The following ZNF202 variants were observed in gnomAD, a reference collection of about 807,000 sequenced individuals.
ZNF202 encodes the protein zinc finger protein with KRAB and SCAN domains 10.
A neutral mutation model predicts 54.5 loss-of-function variants in ZNF202; 22 were observed. The ratio of observed to expected loss-of-function variants is 0.40; its 90% confidence interval spans 0.29 to 0.58. The LOEUF (loss-of-function observed/expected upper bound fraction) is 0.58. Among genes scored for constraint, ZNF202 ranks in the 20% least tolerant of loss-of-function variants. ZNF202 has a pLI of 0.39. For synonymous variants in ZNF202, 294 were observed against 301.4 expected (o/e 0.98, Z 0.26); for missense variants, 644 against 805.5 (o/e 0.80, Z 2.43).
At chr11:123,732,499 G>A (rs1861453320) in intron 3 of ZNF202, among the ~76,000 whole-genome samples, 1 of 152,102 alleles carries the variant, frequency 6.6e-6, no homozygotes, top group South Asian at 2.1e-4. Context: ...TCCTTGGTTA[G>A]GTTAAACTTT....
chr11:123,734,587 G>T (rs1016465663), intron 3 of ZNF202, among the ~76,000 whole-genome samples: 1 of 152,112 alleles, frequency 6.6e-6, no homozygotes, highest in Non-Finnish European at 1.5e-5. Flanking sequence ...ACAGGAACTT[G>T]TATCTCCCCC....
Position 123,726,231 on chromosome 11 carries a change from C to A in ZNF202, c.1713G>T (p.Gly571=). 6.2e-7 allele frequency: 1 copy of A among 1,614,200 alleles called. No homozygotes were observed. Among genetic ancestry groups the A allele is most frequent in the Non-Finnish European group, 8.5e-7 (1 of 1,180,028 alleles). The change falls in exon 9 of 9, where the codon GGG becomes GGT. Residue 571 remains glycine (G), a synonymous_variant. Coordinates refer to ENST00000530393, the MANE Select transcript of ZNF202 (RefSeq NM_003455.4). The surrounding 1 kb of genome is among the most constrained non-coding windows in gnomAD (Gnocchi z 6.0). ...AEELYLCSEC[G]RCFTHSAAFA... is the part of the protein sequence containing the mutation. ...ACGCTGCGCTGTGGGTGAAGCAGCG[C>A]CCGCACTCGCTGCAGAGGTAGAGTT...
chr11:123,729,574 G>C, intron 5 of ZNF202, 41 bp downstream of exon 5: 1 of 1,487,698 alleles, frequency 6.7e-7, no homozygotes, highest in Non-Finnish European at 8.9e-7. Flanking sequence ...CTCCTTGCCT[G>C]CCTTCTGCCA....
rs750261669 is a variant in ZNF202 at position 123,728,142 on chromosome 11, C to T, written c.823G>A (p.Val275Ile). The T allele has an allele frequency of 1.9e-6, 3 of 1,609,676 alleles. No individual in the cohort carries two copies. The highest frequency in any genetic ancestry group is 1.3e-5 in the African/African-American group (1 of 74,826). The part of the protein sequence containing the change: ...YVLEEDCGIV[V>I]SLSFPIPRPD... ...ACTTGAAATTCCTTACACAGAGAGA[C>T]AACAATTCCACAGTCTTCTTCCAAG... The change falls in exon 7 of 9, where the codon GTC becomes ATC. Residue 275 changes from valine (V) to isoleucine (I), a missense_variant. Around this residue, in one of 3 missense-constraint regions of ZNF202, gnomAD observed 536 missense variants for 635.3 expected, o/e 0.84. Coordinates refer to ENST00000530393, the MANE Select transcript of ZNF202 (RefSeq NM_003455.4).
chr11:123,723,931 T>C lies in ZNF202; in HGVS notation c.*2066A>G, dbSNP rs1009870342. 6.6e-6 allele frequency among the ~76,000 whole-genome samples: 1 copy of C among 152,226 alleles called. No individual in the cohort carries two copies. Among genetic ancestry groups the C allele is most frequent in the African/African-American group, 2.4e-5 (1 of 41,464 alleles). ...TCACAAGCTTTCCCTCATGTAGAACTCTGACAGATTTTCATTTATTGGAAT... is the reference window on the plus strand; with the variant it reads ...TCACAAGCTTTCCCTCATGTAGAACCCTGACAGATTTTCATTTATTGGAAT... On this transcript the variant is annotated 3_prime_UTR_variant, in exon 9 of 9. Coordinates refer to ENST00000530393, the MANE Select transcript of ZNF202 (RefSeq NM_003455.4).
chr11:123,727,411 A>G (rs1861200012), intron 8 of ZNF202, 65 bp downstream of exon 8: 4 of 1,602,954 alleles, frequency 2.5e-6, no homozygotes, highest in Admixed American at 1.7e-5. Flanking sequence ...CTACAGAGAG[A>G]GAGAAGCACT....
chr11:123,737,801 G>C (rs936796753), intron 3 of ZNF202, among the ~76,000 whole-genome samples: 17 of 152,188 alleles, frequency 1.1e-4, no homozygotes, highest in Non-Finnish European at 2.4e-4. Context: ...TTGTAAAGAG[G>C]TGTCATCTTG....
chr11:123,728,224 G>A lies in ZNF202; in HGVS notation c.741C>T (p.Ser247=). The change falls in exon 7 of 9, where the codon TCC becomes TCT. Residue 247 remains serine, a synonymous_variant. Transcript: ENST00000530393. ...VTFKDVAVCF[S]QDQWSDLDPT... is the part of the protein sequence containing the mutation. ...GGTCCAGATCACTCCACTGGTCCTG[G>A]GAAAAGCATACGGCCACATCCTTGA... 1 of 1,612,958 alleles carries A rather than the reference G, an allele frequency of 6.2e-7. No individual in the cohort carries two copies. Among genetic ancestry groups the A allele is most frequent in the East Asian group, 2.2e-5 (1 of 44,800 alleles).
At chr11:123,740,596 T>C (rs1861819914) in intron 1 of ZNF202, 60 bp from the exon 2 acceptor site, 1 of 152,280 alleles carries the variant, frequency 6.6e-6, no homozygotes, top group South Asian at 2.1e-4. Context: ...ATTGAGAGCC[T>C]GGGATCTAGC....
At chr11:123,741,108 C>A (rs1861844495) in intron 1 of ZNF202, among the ~76,000 whole-genome samples, 1 of 151,986 alleles carries the variant, frequency 6.6e-6, no homozygotes, top group Non-Finnish European at 1.5e-5. Context: ...GGGCAAGGAG[C>A]CCGCGGAGAT....
At chr11:123,733,645 T>C (rs1861508324) in intron 3 of ZNF202, among the ~76,000 whole-genome samples, 1 of 152,134 alleles carries the variant, frequency 6.6e-6, no homozygotes, top group South Asian at 2.1e-4. Flanking sequence ...ACAGCCTGGA[T>C]CTCCTGGCCT....
intron 3 of ZNF202, among the ~76,000 whole-genome samples, chr11:123,736,115 T>C (rs1490436747): frequency 1.3e-5 from 2 of 152,222 alleles, no homozygotes; most frequent in East Asian, 3.9e-4. Context: ...TCAGGCCAGC[T>C]GTCTCTGCCC....
At chr11:123,728,683 A>C (rs761646515) in intron 6 of ZNF202, among the ~76,000 whole-genome samples, 4 of 152,216 alleles carry the variant, frequency 2.6e-5, no homozygotes, top group Non-Finnish European at 4.4e-5. Flanking sequence ...ATTACAATCT[A>C]AAACCATACA....
At position 123,726,001 on chromosome 11, in the gene ZNF202, GA is replaced by G. The variant is rs1332816651; in HGVS notation, c.1942del (p.Ser648ProfsTer3). 2.5e-6 allele frequency: 4 copies of G among 1,610,232 alleles called. No individual in the cohort carries two copies. Among genetic ancestry groups the G allele is most frequent in the East Asian group, 2.2e-5 (1 of 44,816 alleles). On this transcript the variant is annotated frameshift_variant, in exon 9 of 9. Transcript: ENST00000530393. LOFTEE classifies it high-confidence loss of function. This position sits in a 1 kb window ranked among gnomAD's most constrained non-coding sequence, Gnocchi z 6.0. ...TCTCCTCACATGGGGACCTAGCTAG[GA>G]GGTCTTTTCTGAGTGGGTCCTCTGA... ...RHQRTHSEKT[S>X]
chr11:123,736,108 GGCCA>G (rs1293569135), intron 3 of ZNF202, among the ~76,000 whole-genome samples: 2 of 152,198 alleles, frequency 1.3e-5, no homozygotes, highest in East Asian at 3.9e-4. Flanking sequence ...ACAATCCTCA[GGCCA>G]GCTGTCTCTG....
chr11:123,738,624 G>C (rs1185581702), intron 3 of ZNF202: 1 of 152,240 alleles, frequency 6.6e-6, no homozygotes, highest in East Asian at 1.9e-4. Flanking sequence ...CAATCAGATA[G>C]TCAGAGGAAC....
intron 3 of ZNF202, among the ~76,000 whole-genome samples, chr11:123,737,886 G>C (rs1182688307): frequency 6.6e-6 from 1 of 152,176 alleles, no homozygotes; most frequent in East Asian, 1.9e-4. Flanking sequence ...CCAGCTTTTT[G>C]ATGGTGATGA....
chr11:123,726,136 C>A lies in ZNF202; in HGVS notation c.1808G>T (p.Ser603Ile), dbSNP rs1565518301. Residue 603 changes from serine (S) to isoleucine (I), a missense_variant, in exon 9 of 9, where the codon AGT (serine) becomes ATT (isoleucine). Coordinates refer to ENST00000530393, the MANE Select transcript of ZNF202 (RefSeq NM_003455.4). This position sits in a 1 kb window ranked among gnomAD's most constrained non-coding sequence, Gnocchi z 6.0. Reference sequence around the variant, plus strand: ...ATGCCTGACGAGGTGGTCCCTGCGACTGAAGCTCTTCCCACATTCGTTGCA... The same window carrying A: ...ATGCCTGACGAGGTGGTCCCTGCGAATGAAGCTCTTCCCACATTCGTTGCA... ...CRCNECGKSF[S>I]RRDHLVRHQR... The A allele has an allele frequency of 6.2e-7, 1 of 1,614,248 alleles. No individual in the cohort carries two copies. The highest frequency in any genetic ancestry group is 1.1e-5 in the South Asian group (1 of 91,086).
intron 3 of ZNF202, 99 bp from the exon 4 acceptor site, chr11:123,731,084 A>C: frequency 1.8e-6 from 1 of 549,394 alleles, no homozygotes; most frequent in Non-Finnish European, 3.0e-6. Context: ...AAACTTCTTC[A>C]AATGGTTAAA....
Sources: allele counts gnomAD v4.1 joint callset (sites outside exome capture counted in the v4.1 genomes callset), GRCh38; gene constraint gnomAD v4.1.1; regional missense constraint gnomAD v4.1.1; non-coding constraint Gnocchi (gnomAD v3.1); transcripts MANE v1.5; gene names NCBI Gene and HGNC (gene_info 2026-07-23, HGNC 2026-07-21).